Variants in MAGI1 observed in about 807,000 individuals in gnomAD.
MAGI1 encodes the protein membrane associated guanylate kinase, WW and PDZ domain containing 1.
A neutral mutation model predicts 139.9 loss-of-function variants in MAGI1; 58 were observed. The ratio of observed to expected loss-of-function variants is 0.41; its 90% confidence interval spans 0.34 to 0.52. The LOEUF (loss-of-function observed/expected upper bound fraction) is 0.52, where lower values mean the gene tolerates loss of function less well. MAGI1 is among the 20% of genes least tolerant of loss of function. The pLI is 0.12. For missense variants in MAGI1, 1,874 were observed against 1,901.6 expected (o/e 0.99, Z 0.27); for synonymous variants, 812 against 737.9 (o/e 1.10, Z -1.63).
At chr3:65,945,252 T>C (rs1057466754) in intron 1 of MAGI1, among the ~76,000 whole-genome samples, 5 of 152,176 alleles carry the variant, frequency 3.3e-5, no homozygotes, top group Admixed American at 3.3e-4. Flanking sequence ...CAGGGATACA[T>C]GTGCAGGTTT....
chr3:65,738,170 G>A (rs781571128), intron 1 of MAGI1, among the ~76,000 whole-genome samples: 2 of 152,166 alleles, frequency 1.3e-5, no homozygotes. Flanking sequence ...CAGATACTGT[G>A]GGTTCGGTTC....
chr3:65,875,078 G>A (rs1286993333), intron 1 of MAGI1: 1 of 152,328 alleles, frequency 6.6e-6, no homozygotes, highest in African/African-American at 2.4e-5. Context: ...ACAAACAATG[G>A]AATAAAGAAT....
At chr3:65,524,406 C>T (rs1479562672) in intron 2 of MAGI1, among the ~76,000 whole-genome samples, 1 of 152,192 alleles carries the variant, frequency 6.6e-6, no homozygotes, top group Admixed American at 6.5e-5. Context: ...TTCTCTCACA[C>T]AGGACTGGGA....
intron 1 of MAGI1, among the ~76,000 whole-genome samples, chr3:65,752,213 T>C (rs1024982412): frequency 6.6e-5 from 10 of 152,198 alleles, no homozygotes; most frequent in Non-Finnish European, 1.0e-4. Flanking sequence ...CCTCCCAAAG[T>C]GCTGGGATTA....
intron 1 of MAGI1, chr3:65,902,643 G>A: frequency 6.5e-6 from 1 of 152,750 alleles, no homozygotes. Flanking sequence ...TTTGCGACAG[G>A]CATCCAGGGC....
At chr3:65,421,614 C>T (rs772934256) in intron 12 of MAGI1, among the ~76,000 whole-genome samples, 13 of 152,216 alleles carry the variant, frequency 8.5e-5, no homozygotes, top group South Asian at 2.1e-4. Flanking sequence ...GAGTTTTTCT[C>T]GTGTTTTGAG....
At chr3:65,549,862 G>A (rs542919532) in intron 2 of MAGI1, among the ~76,000 whole-genome samples, 2 of 152,088 alleles carry the variant, frequency 1.3e-5, no homozygotes, top group Admixed American at 6.5e-5. Context: ...GGTTGACTTC[G>A]AAATACAGCA....
chr3:65,728,524 A>C (rs757831177), intron 1 of MAGI1, among the ~76,000 whole-genome samples: 22 of 152,186 alleles, frequency 1.4e-4, no homozygotes, highest in Non-Finnish European at 2.5e-4. Context: ...GAAGTAATTC[A>C]CCCCTAAACA....
rs76841349 is a variant in MAGI1 at position 65,876,354 on chromosome 3, C to G, written c.313+161642G>C. ...TCTCCTAACCCACTCACCACCCCCC[C>G]CAAAAAAGGCAATATAATTATAGTG... is the stretch of plus-strand genomic sequence containing the variant. On this transcript the variant is annotated intron_variant, in intron 1 of 22. Transcript: ENST00000402939. Among the ~76,000 whole-genome samples the G allele has an allele frequency of 9.5e-4, 144 of 151,850 alleles. 1 individual carries two copies. The highest frequency in any genetic ancestry group is 3.4e-3 in the Middle Eastern group (1 of 294).
intron 1 of MAGI1, among the ~76,000 whole-genome samples, chr3:65,902,311 A>C (rs1470577310): frequency 1.4e-4 from 22 of 152,210 alleles, no homozygotes; most frequent in Admixed American, 1.4e-3. Context: ...GGGAAGCCAC[A>C]GACTGCTCCC....
At chr3:65,918,304 C>T (rs1175282168) in intron 1 of MAGI1, among the ~76,000 whole-genome samples, 1 of 151,432 alleles carries the variant, frequency 6.6e-6, no homozygotes, top group East Asian at 1.9e-4. Context: ...CTGCACTCTA[C>T]TTTTGCTTCT....
At chr3:65,943,969 G>GCAT (rs1463082643) in intron 1 of MAGI1, among the ~76,000 whole-genome samples, 1 of 152,158 alleles carries the variant, frequency 6.6e-6, no homozygotes, top group East Asian at 1.9e-4. Flanking sequence ...TGACAGGGCA[G>GCAT]CATCATATAG....
At chr3:65,561,310 C>G (rs1245274507) in intron 2 of MAGI1, among the ~76,000 whole-genome samples, 1 of 152,060 alleles carries the variant, frequency 6.6e-6, no homozygotes, top group Non-Finnish European at 1.5e-5. Flanking sequence ...TGTATTTTCT[C>G]CCTCACCCTT....
At chr3:65,557,506 G>C (rs2080143200) in intron 2 of MAGI1, among the ~76,000 whole-genome samples, 1 of 152,164 alleles carries the variant, frequency 6.6e-6, no homozygotes, top group Non-Finnish European at 1.5e-5. Flanking sequence ...CTGACCCTCA[G>C]AAACTGTGTG....
chr3:65,575,971 T>C (rs2081157650), intron 2 of MAGI1, among the ~76,000 whole-genome samples: 1 of 152,184 alleles, frequency 6.6e-6, no homozygotes, highest in African/African-American at 2.4e-5. Context: ...TGTATGTTCG[T>C]TTTCTTAATT....
intron 1 of MAGI1, among the ~76,000 whole-genome samples, chr3:65,923,626 G>A (rs1416414524): frequency 6.6e-6 from 1 of 152,106 alleles, no homozygotes; most frequent in Non-Finnish European, 1.5e-5. Flanking sequence ...CATATCTGAG[G>A]GAGTCTACCC....
rs556019580 is a variant in MAGI1 at position 65,930,760 on chromosome 3, T to C, written c.313+107236A>G. 2.7e-3 allele frequency among the ~76,000 whole-genome samples: 399 copies of C among 146,642 alleles called. 1 individual carries two copies. Among genetic ancestry groups the C allele is most frequent in the Non-Finnish European group, 4.5e-3 (306 of 67,874 alleles). On this transcript the variant is annotated intron_variant, in intron 1 of 22. Transcript: ENST00000402939. ...ACCTCTGGTCCTCCTAACTGCTCAT[T>C]ATATGCTTATTATAATGCATTAGAA...
intron 1 of MAGI1, among the ~76,000 whole-genome samples, chr3:65,866,855 C>T (rs1049288306): frequency 6.6e-6 from 1 of 152,126 alleles, no homozygotes; most frequent in South Asian, 2.1e-4. Context: ...GTCAGCTACT[C>T]GGTGTAAACA....
intron 12 of MAGI1, among the ~76,000 whole-genome samples, chr3:65,405,781 GACGGGGTT>G (rs1263825177): frequency 0.062 from 9,313 of 150,140 alleles, 364 homozygotes; most frequent in South Asian, 0.11. Context: ...TTTTAGTAGA[GACGGGGTT>G]TCACCATGTT....
Sources: allele counts gnomAD v4.1 joint callset (sites outside exome capture counted in the v4.1 genomes callset), GRCh38; gene constraint gnomAD v4.1.1; transcripts MANE v1.5; gene names NCBI Gene and HGNC (gene_info 2026-07-23, HGNC 2026-07-21).